ST7L: variants seen among roughly 807,000 people sequenced by gnomAD.
The protein encoded by ST7L is suppression of tumorigenicity 7 like, also known as suppressor of tumorigenicity 7 protein-like.
Under a neutral mutation model 72.5 loss-of-function variants are expected in ST7L, and 57 were observed. The ratio of observed to expected loss-of-function variants is 0.79; its 90% CI spans 0.64 to 0.98. ST7L has a LOEUF of 0.98. ST7L is among the 50% of genes least tolerant of loss of function. ST7L has a pLI of 0.00. For missense variants in ST7L, 576 were observed against 672.2 expected (o/e 0.86, Z 1.58); for synonymous variants, 221 against 240.9 (o/e 0.92, Z 0.77).
intron 3 of ST7L, among the ~76,000 whole-genome samples, chr1:112,603,804 G>C (rs1468713217): frequency 6.6e-6 from 1 of 152,164 alleles, no homozygotes; most frequent in African/African-American, 2.4e-5. Flanking sequence ...GTTCTCACAA[G>C]GAAGAGAGAG....
intron 3 of ST7L, among the ~76,000 whole-genome samples, chr1:112,608,204 G>A (rs946285942): frequency 1.3e-5 from 2 of 151,924 alleles, no homozygotes; most frequent in Non-Finnish European, 2.9e-5. Flanking sequence ...TTTTTGTAGA[G>A]ATGGGGGTCT....
intron 11 of ST7L, among the ~76,000 whole-genome samples, chr1:112,566,291 C>CTTTTTTTTT (rs1557989059): frequency 9.1e-6 from 1 of 110,234 alleles, no homozygotes; most frequent in Non-Finnish European, 1.9e-5. Context: ...TCTTTTTCTT[C>CTTTTTTTTT]TTCTTCTTTT....
chr1:112,552,234 G>A (rs1658324713), intron 12 of ST7L, among the ~76,000 whole-genome samples: 1 of 133,658 alleles, frequency 7.5e-6, no homozygotes, highest in African/African-American at 3.2e-5. Flanking sequence ...CAAAGACAAT[G>A]GCCCTGGCTG....
At chr1:112,536,109 G>C (rs575640194) in intron 14 of ST7L, among the ~76,000 whole-genome samples, 186 of 152,230 alleles carry the variant, frequency 1.2e-3, no homozygotes, top group Non-Finnish European at 1.7e-3. Context: ...TGTGGAAATA[G>C]CATGGTTATA....
intron 6 of ST7L, among the ~76,000 whole-genome samples, chr1:112,584,475 C>A (rs979065902): frequency 6.6e-6 from 1 of 151,516 alleles, no homozygotes; most frequent in Non-Finnish European, 1.5e-5. Flanking sequence ...AATTGTATAC[C>A]CTCTACTGGT....
chr1:112,545,977 T>C (rs1656972788), intron 13 of ST7L, among the ~76,000 whole-genome samples: 1 of 152,178 alleles, frequency 6.6e-6, no homozygotes, highest in Non-Finnish European at 1.5e-5. Context: ...TACAGCTGAC[T>C]GGACAAGGAA....
chr1:112,542,467 G>A (rs1277833893), intron 13 of ST7L, among the ~76,000 whole-genome samples: 1 of 152,200 alleles, frequency 6.6e-6, no homozygotes, highest in African/African-American at 2.4e-5. Context: ...AGTGCTTAAT[G>A]TGAGTTGCAG....
chr1:112,590,691 C>T (rs902423565), intron 6 of ST7L, among the ~76,000 whole-genome samples: 11 of 152,040 alleles, frequency 7.2e-5, no homozygotes, highest in Non-Finnish European at 1.6e-4. Context: ...TAGTAAGTTG[C>T]CTTGTGATTT....
rs1289839337 is a variant in ST7L, at chr1:112,555,935, G to C, written c.1329C>G (p.Phe443Leu). The change falls in exon 12 of 15, where the codon TTC (phenylalanine) becomes TTG (leucine). Residue 443 changes from phenylalanine to leucine, a missense_variant. Phe to Leu is a conservative substitution (Grantham distance 22, BLOSUM62 0). Coordinates refer to ENST00000358039, the MANE Select transcript of ST7L (RefSeq NM_017744.5). ...TTCGTTTCCAGTGCTGAAGATGAAA[G>C]AAAGCATAGGCAATTGCTTCACTAT... ...RGDSEAIAYA[F>L]FHLQHWKRIE... The C allele has an allele frequency of 6.2e-7, 1 of 1,612,418 alleles. No individual in the cohort carries two copies. Among genetic ancestry groups the C allele is most frequent in the Non-Finnish European group, 8.5e-7 (1 of 1,179,008 alleles).
At position 112,598,173 on chromosome 1, in the gene ST7L, A is replaced by AC. The variant is rs1173094875; in HGVS notation, c.507-88dup. The AC allele has an allele frequency of 6.2e-6, 5 of 803,284 alleles. No homozygotes were observed. In the East Asian group the frequency reaches 1.1e-4, roughly 17 times the overall value. 49.8% of individuals were successfully genotyped at this position (803,284 alleles called of 1,614,324 possible). A position where few individuals can be genotyped will look rare whatever the true frequency, so the allele number is the denominator to read the frequency against. On this transcript the variant is annotated intron_variant, in intron 4 of 14. Coordinates refer to ENST00000358039, the MANE Select transcript of ST7L (RefSeq NM_017744.5). Reference sequence around the variant, plus strand: ...AGACACTACTTAAATTCAAAAATGTACTGCTACACATTTGGATGTTTTAAA... The same window carrying AC: ...AGACACTACTTAAATTCAAAAATGTACCTGCTACACATTTGGATGTTTTAAA...
chr1:112,611,128 A>G (rs1570639837), intron 2 of ST7L, 125 bp from the exon 3 acceptor site: 3 of 832,976 alleles, frequency 3.6e-6, no homozygotes, highest in East Asian at 2.9e-5. Flanking sequence ...TTTCAAAAAG[A>G]AAAAAACATA....
chr1:112,552,257 T>C (rs1658329683), intron 12 of ST7L, among the ~76,000 whole-genome samples: 1 of 81,788 alleles, frequency 1.2e-5, no homozygotes, highest in South Asian at 2.5e-4. Flanking sequence ...AATCTGTTTT[T>C]TTTCCCCCCG....
At chr1:112,617,715 TCTCACACACACACACACACA>T (rs1670111558) in intron 1 of ST7L, among the ~76,000 whole-genome samples, 3 of 123,054 alleles carry the variant, frequency 2.4e-5, no homozygotes, top group Non-Finnish European at 3.4e-5. Context: ...TCTTTCTCTC[TCTCACACACACACACACACA>T]CACACACACA....
chr1:112,559,268 G>A lies in ST7L; in HGVS notation c.1246-3250C>T, dbSNP rs151292968. ...ACTTTTATTTATTTATTTTTTAGAC[G>A]GTGTCTTGCTCTGTTGTCCAGGCTG... On this transcript the variant is annotated intron_variant, in intron 11 of 14. Coordinates refer to ENST00000358039, the MANE Select transcript of ST7L (RefSeq NM_017744.5). Among the ~76,000 whole-genome samples the A allele has an allele frequency of 9.9e-5, 15 of 151,816 alleles. No individual in the cohort carries two copies. The South Asian group carries it at 1.0e-3, about 11-fold the overall frequency.
Position 112,550,604 on chromosome 1 carries a change from G to A in ST7L, c.1486C>T (p.Pro496Ser), listed in dbSNP as rs771102592. 23 of 1,609,090 alleles carry A rather than the reference G, an allele frequency of 1.4e-5. No homozygotes were observed. In the East Asian group the frequency reaches 4.5e-4, roughly 31 times the overall value. The change falls in exon 13 of 15, where the codon CCT becomes TCT. Residue 496 changes from proline (P) to serine (S), a missense_variant. Physicochemically the swap from Pro to Ser is moderately conservative, Grantham distance 74. This residue lies in a region of ST7L where 511 missense variants were observed against 600.7 expected (regional missense o/e 0.85). Transcript: ENST00000358039. ...GAAAACTAAAATATTTACTTACTAG[G>A]TAATAGCTCTCTATCAGCCGTCTCT... is the stretch of plus-strand genomic sequence containing the variant. Reference protein sequence around the residue: ...CTETADRELLPTFHHVSVYPK... With the variant: ...CTETADRELLSTFHHVSVYPK...
intron 3 of ST7L, among the ~76,000 whole-genome samples, chr1:112,601,469 T>C (rs1032771208): frequency 2.6e-5 from 4 of 151,934 alleles, no homozygotes; most frequent in African/African-American, 9.7e-5. Flanking sequence ...ATGGTCTCAA[T>C]CTCCTGACCT....
chr1:112,565,134 G>A lies in ST7L; in HGVS notation c.1246-9116C>T, dbSNP rs566798203. 1.3e-3 allele frequency among the ~76,000 whole-genome samples: 192 copies of A among 149,344 alleles called. 1 individual carries two copies. The highest frequency in any genetic ancestry group is 3.4e-3 in the South Asian group (16 of 4,724). Reference sequence around the variant, plus strand: ...ATCTCGGCTCACTGCAACCTCTGCCGTCCAGGTTCAAGCGATTCTCCTGCC... The same window carrying A: ...ATCTCGGCTCACTGCAACCTCTGCCATCCAGGTTCAAGCGATTCTCCTGCC... On this transcript the variant is annotated intron_variant, in intron 11 of 14. Transcript: ENST00000358039.
rs780518968 is a variant in ST7L, at chr1:112,584,139, CAAG to C, written c.702-16_702-14del. 1.9e-5 allele frequency: 30 copies of C among 1,604,152 alleles called. No homozygotes were observed. In the African/African-American group the frequency reaches 3.4e-4, roughly 18 times the overall value. ...TGCAGTGGCACAGCTATGAAGAAAG[CAAG>C]AAGGCAATTTTAAATAAAATGGTAA... On this transcript the variant is annotated splice_polypyrimidine_tract_variant and intron_variant, in intron 6 of 14. Coordinates refer to ENST00000358039, the MANE Select transcript of ST7L (RefSeq NM_017744.5).
chr1:112,525,326 T>A lies in ST7L; in HGVS notation c.*687A>T, dbSNP rs1389590605. 1 of 152,258 alleles carries A rather than the reference T, an allele frequency of 6.6e-6. No homozygotes were observed. The allele number at this position is 152,258 out of a possible 1,614,324, so 9.4% of individuals were successfully genotyped here. On this transcript the variant is annotated 3_prime_UTR_variant, in exon 15 of 15. Coordinates refer to ENST00000358039, the MANE Select transcript of ST7L (RefSeq NM_017744.5). Reference sequence around the variant, plus strand: ...TTTATTAGGGTAAATATATCACAGTTGCTACAGTGAATTGAGCTTTCTCAG... The same window carrying A: ...TTTATTAGGGTAAATATATCACAGTAGCTACAGTGAATTGAGCTTTCTCAG...
Sources: allele counts gnomAD v4.1 joint callset (sites outside exome capture counted in the v4.1 genomes callset), GRCh38; gene constraint gnomAD v4.1.1; regional missense constraint gnomAD v4.1.1; transcripts MANE v1.5; gene names NCBI Gene and HGNC (gene_info 2026-07-23, HGNC 2026-07-21).